Variants in COL4A4 observed in about 807,000 individuals in gnomAD.
COL4A4 encodes the protein collagen alpha-4(IV) chain.
In COL4A4, 105 loss-of-function variants were observed where a neutral mutation model predicts 192.9. The observed-to-expected ratio is 0.54, with a 90% CI of 0.46 to 0.64. The LOEUF is 0.64. COL4A4 is among the 30% of genes least tolerant of loss of function. The pLI, the probability that COL4A4 is intolerant of heterozygous loss-of-function variation, is 0.00. For synonymous variants in COL4A4, 762 were observed against 769.9 expected (o/e 0.99, Z 0.17); for missense variants, 1,967 against 2,169.3 (o/e 0.91, Z 1.85).
chr2:227,149,645 G>A (rs1272590492), intron 1 of COL4A4, among the ~76,000 whole-genome samples: 3 of 124,530 alleles, frequency 2.4e-5, no homozygotes, highest in Non-Finnish European at 5.5e-5. Context: ...TAATAAATAG[G>A]AAACAGTCAA....
the COL4A4 span, among the ~76,000 whole-genome samples, chr2:226,968,242 G>A: frequency 6.6e-6 from 1 of 152,162 alleles, no homozygotes; most frequent in African/African-American, 2.4e-5. Context: ...GGTTCAACCA[G>A]GAGACAAAAC....
intron 25 of COL4A4, among the ~76,000 whole-genome samples, chr2:227,064,337 GA>G (rs1251209615): frequency 1.3e-5 from 2 of 152,040 alleles, no homozygotes; most frequent in Non-Finnish European, 2.9e-5. Flanking sequence ...CAAGGCTTTT[GA>G]ATTAACCCAA....
chr2:227,007,166 G>T lies in COL4A4; in HGVS notation c.*159C>A. 9.8e-7 allele frequency: 1 copy of T among 1,025,246 alleles called. No individual in the cohort carries two copies. Among genetic ancestry groups the T allele is most frequent in the Non-Finnish European group, 1.5e-6 (1 of 654,298 alleles). The allele number at this position is 1,025,246 out of a possible 1,614,324, so 63.5% of individuals were successfully genotyped here. ...CATCTGTGCAGCATTTGCTTAATGTGTAAGGAACCAGAGGACTCTGGGAAT... is the reference window on the plus strand; with the variant it reads ...CATCTGTGCAGCATTTGCTTAATGTTTAAGGAACCAGAGGACTCTGGGAAT... On this transcript the variant is annotated 3_prime_UTR_variant, in exon 48 of 48. Coordinates refer to ENST00000396625, the MANE Select transcript of COL4A4 (RefSeq NM_000092.5).
intron 25 of COL4A4, among the ~76,000 whole-genome samples, chr2:227,075,211 AAGCTAAT>A (rs1459776900): frequency 1.3e-5 from 2 of 152,182 alleles, no homozygotes; most frequent in African/African-American, 4.8e-5. Flanking sequence ...AAAAATTTTC[AAGCTAAT>A]ATCCCTGATG....
intron 28 of COL4A4, 55 bp from the exon 29 acceptor site, chr2:227,057,655 C>T: frequency 6.4e-7 from 1 of 1,573,862 alleles, no homozygotes; most frequent in Non-Finnish European, 8.7e-7. Flanking sequence ...TACAGATGGC[C>T]CATGATGAAT....
rs1240235212 is a variant in COL4A4 at position 227,006,546 on chromosome 2, G to C, written c.*779C>G. 2.6e-5 allele frequency: 3 copies of C among 115,696 alleles called. No individual in the cohort carries two copies. The highest frequency in any genetic ancestry group is 5.3e-5 in the Non-Finnish European group (3 of 56,772). The allele number at this position is 115,696 out of a possible 1,614,324, so 7.2% of individuals were successfully genotyped here. ...GCTTTTAGGCTCCTAATCTCTTATT[G>C]AATATTTTTTTTCCATAATTGCTAC... On this transcript the variant is annotated 3_prime_UTR_variant, in exon 48 of 48. Transcript: ENST00000396625.
the COL4A4 span, among the ~76,000 whole-genome samples, chr2:226,972,897 A>G: frequency 3.3e-5 from 5 of 151,314 alleles, no homozygotes; most frequent in Admixed American, 2.6e-4. Context: ...CCATTTATCA[A>G]CTAAAGTTAA....
At chr2:227,019,646 C>T (rs1435346297) in intron 44 of COL4A4, among the ~76,000 whole-genome samples, 4 of 152,194 alleles carry the variant, frequency 2.6e-5, no homozygotes, top group African/African-American at 7.2e-5. Context: ...TCTCCCAATA[C>T]CCTTGACTTG....
chr2:227,118,484 G>A (rs918120832), intron 7 of COL4A4, among the ~76,000 whole-genome samples, 161 bp downstream of exon 7: 1 of 152,108 alleles, frequency 6.6e-6, no homozygotes, highest in Non-Finnish European at 1.5e-5. Context: ...CATGTTCTAA[G>A]TCCTGCCTAT....
chr2:227,070,423 T>C (rs2058642609), intron 25 of COL4A4, among the ~76,000 whole-genome samples: 1 of 152,108 alleles, frequency 6.6e-6, no homozygotes, highest in Non-Finnish European at 1.5e-5. Flanking sequence ...TGCACACGTA[T>C]GTTTATTGCG....
In COL4A4 at chr2:227,052,291, T is replaced by A; in HGVS notation, c.2968+14A>T. ...CAACTTATTTGATATGGTTAAAAAC[T>A]CTTAAGTGTTTACCTCTTTCTCCTG... On this transcript the variant is annotated intron_variant, in intron 32 of 47. Transcript: ENST00000396625. 1 of 1,437,814 alleles carries A rather than the reference T, an allele frequency of 7.0e-7. No homozygotes were observed. 89.1% of individuals were successfully genotyped at this position (1,437,814 alleles called of 1,614,324 possible).
At position 227,082,199 on chromosome 2, in the gene COL4A4, A is replaced by G. The variant is rs1223014895; in HGVS notation, c.1624-12T>C. 1.2e-6 allele frequency: 2 copies of G among 1,611,812 alleles called. No homozygotes were observed. Among genetic ancestry groups the G allele is most frequent in the East Asian group, 4.5e-5 (2 of 44,864 alleles). On this transcript the variant is annotated splice_polypyrimidine_tract_variant and intron_variant, in intron 22 of 47. Transcript: ENST00000396625. ...GCACCATGCTTTCCCTTGGTGAAAA[A>G]TAAGAGAAACAAATTAGGTTAATTG...
chr2:227,032,273 A>G lies in COL4A4; in HGVS notation c.3581T>C (p.Leu1194Ser), dbSNP rs554736387. The stretch of plus-strand genomic sequence containing the variant: ...TGGACCAGGTGGCCCCACATCATGC[A>G]AACCTTAATGGGGAAAACAGAATTA... Reference protein sequence around the residue: ...GQKGTKGASGLHDVGPPGPVG... With the variant: ...GQKGTKGASGSHDVGPPGPVG... Residue 1194 changes from leucine to serine, a missense_variant, in exon 39 of 48, where the codon TTG becomes TCG. Transcript: ENST00000396625. The G allele has an allele frequency of 1.2e-4, 191 of 1,613,596 alleles. 3 individuals carry two copies. The South Asian group carries it at 1.9e-3, about 16-fold the overall frequency.
intron 20 of COL4A4, among the ~76,000 whole-genome samples, chr2:227,093,626 CT>C (rs2150678383): frequency 6.6e-6 from 1 of 152,072 alleles, no homozygotes; most frequent in South Asian, 2.1e-4. Flanking sequence ...GCCTGCCAAA[CT>C]ATCTTTAAAA....
At position 227,043,100 on chromosome 2, in the gene COL4A4, G is replaced by A. The variant is rs766044583; in HGVS notation, c.3374C>T (p.Ser1125Phe). Residue 1125 changes from serine to phenylalanine, a missense_variant, in exon 36 of 48, where the codon TCC (serine) becomes TTC (phenylalanine). Transcript: ENST00000396625. ...ACCTGGGCACCCTGGTGGTCCAGAG[G>A]AGCCAGGTGGCCCTGGCCTTCCAGG... ...GSPGRPGPPG[S>F]SGPPGCPGDH... 2 of 1,613,482 alleles carry A rather than the reference G, an allele frequency of 1.2e-6. No individual in the cohort carries two copies. Among genetic ancestry groups the A allele is most frequent in the Middle Eastern group, 1.7e-4 (1 of 5,782 alleles).
chr2:227,000,014 A>G (rs1264343510), downstream of COL4A4, among the ~76,000 whole-genome samples: 1 of 152,216 alleles, frequency 6.6e-6, no homozygotes, highest in Non-Finnish European at 1.5e-5. Context: ...GAGATTCATG[A>G]TATTTATTTG....
intron 1 of COL4A4, among the ~76,000 whole-genome samples, chr2:227,150,427 T>C (rs146566190): frequency 1.0e-3 from 152 of 152,276 alleles, no homozygotes; most frequent in African/African-American, 3.5e-3. Context: ...GTGTGTCCCT[T>C]CTCCCTAGTG....
intron 1 of COL4A4, among the ~76,000 whole-genome samples, chr2:227,153,605 A>T (rs1165511337): frequency 4.6e-5 from 7 of 152,170 alleles, no homozygotes; most frequent in Admixed American, 4.6e-4. Context: ...GTACAGACAG[A>T]ATGTGGATCA....
At chr2:227,036,515 G>T (rs1000335107) in intron 37 of COL4A4, among the ~76,000 whole-genome samples, 1 of 152,228 alleles carries the variant, frequency 6.6e-6, no homozygotes, top group Non-Finnish European at 1.5e-5. Flanking sequence ...CTGATGGGAA[G>T]AGAGATCTTT....
Sources: allele counts gnomAD v4.1 joint callset (sites outside exome capture counted in the v4.1 genomes callset), GRCh38; gene constraint gnomAD v4.1.1; transcripts MANE v1.5; gene names NCBI Gene and HGNC (gene_info 2026-07-23, HGNC 2026-07-21).